RASAL2: variants seen among roughly 807,000 people sequenced by gnomAD.
RASAL2 encodes RAS protein activator like 2.
A neutral mutation model predicts 128.9 loss-of-function variants in RASAL2; 58 were observed. The ratio of observed to expected loss-of-function variants is 0.45; its 90% confidence interval spans 0.36 to 0.56. The LOEUF (loss-of-function observed/expected upper bound fraction) is 0.56, where lower values mean the gene tolerates loss of function less well. Ranked by LOEUF, RASAL2 falls within the 20% of genes least tolerant of loss-of-function variation. The pLI, the probability that RASAL2 is intolerant of heterozygous loss-of-function variation, is 0.00. For missense variants in RASAL2, 1,360 were observed against 1,601.6 expected, an observed-to-expected ratio of 0.85 and a Z score of 2.57; for synonymous variants, 561 against 580.8, an observed-to-expected ratio of 0.97 and a Z score of 0.49.
At chr1:178,249,445 CT>C (rs2102078505) in intron 1 of RASAL2, among the ~76,000 whole-genome samples, 1 of 151,964 alleles carries the variant, frequency 6.6e-6, no homozygotes, top group African/African-American at 2.4e-5. Flanking sequence ...TTCCTGTAAC[CT>C]TTTGTCAAGG....
chr1:178,282,259 A>T (rs1666820427), intron 1 of RASAL2, among the ~76,000 whole-genome samples: 2 of 152,182 alleles, frequency 1.3e-5, no homozygotes, highest in African/African-American at 4.8e-5. Context: ...ACCCCCAAAC[A>T]TGCAGCGCAG....
At chr1:178,167,927 G>A (rs1373859940) in intron 1 of RASAL2, among the ~76,000 whole-genome samples, 1 of 151,988 alleles carries the variant, frequency 6.6e-6, no homozygotes, top group Non-Finnish European at 1.5e-5. Flanking sequence ...GCTTTTAAGG[G>A]GGAGTGCAAG....
intron 1 of RASAL2, among the ~76,000 whole-genome samples, chr1:178,260,563 A>G (rs910066415): frequency 6.6e-6 from 1 of 150,494 alleles, no homozygotes. Context: ...TCGTTCATAC[A>G]AAGTTTTTAA....
At chr1:178,234,970 A>C (rs1397505350) in intron 1 of RASAL2, among the ~76,000 whole-genome samples, 1 of 152,170 alleles carries the variant, frequency 6.6e-6, no homozygotes, top group Non-Finnish European at 1.5e-5. Flanking sequence ...TGTCCTCCCT[A>C]GATGTTCCTT....
intron 3 of RASAL2, among the ~76,000 whole-genome samples, chr1:178,306,202 C>G (rs1383653927): frequency 6.6e-6 from 1 of 152,126 alleles, no homozygotes; most frequent in Admixed American, 6.5e-5. Context: ...CCAATTTCAT[C>G]CATGTCCCTA....
At chr1:178,466,426 A>T (rs1197111414) in intron 16 of RASAL2, among the ~76,000 whole-genome samples, 1 of 152,240 alleles carries the variant, frequency 6.6e-6, no homozygotes, top group African/African-American at 2.4e-5. Flanking sequence ...CCAAGACTAA[A>T]TTAATCTTTC....
intron 3 of RASAL2, among the ~76,000 whole-genome samples, chr1:178,357,177 G>A (rs950626908): frequency 1.3e-5 from 2 of 152,122 alleles, no homozygotes; most frequent in African/African-American, 2.4e-5. Context: ...TTTGCTATTT[G>A]AAGCTTTTAA....
chr1:178,262,175 A>G lies in RASAL2; in HGVS notation c.203-21389A>G, dbSNP rs899307541. On this transcript the variant is annotated intron_variant, in intron 1 of 17. Coordinates refer to ENST00000367649, the MANE Select transcript of RASAL2 (RefSeq NM_170692.4). ...AATCAGTATCCTTTCTCTGCTGAAA[A>G]CAGTGACTAAAAAGAGAAAGTGGGC... Among the ~76,000 whole-genome samples, 5 of 150,960 alleles carry G rather than the reference A, an allele frequency of 3.3e-5. No homozygotes were observed. In the South Asian group the frequency reaches 1.0e-3, roughly 32 times the overall value.
At chr1:178,375,227 T>G (rs1671923065) in intron 3 of RASAL2, among the ~76,000 whole-genome samples, 1 of 152,090 alleles carries the variant, frequency 6.6e-6, no homozygotes, top group Non-Finnish European at 1.5e-5. Context: ...TTAAATAATT[T>G]CACATCCGGT....
At chr1:178,272,761 C>T (rs1005889067) in intron 1 of RASAL2, among the ~76,000 whole-genome samples, 1 of 152,110 alleles carries the variant, frequency 6.6e-6, no homozygotes, top group Non-Finnish European at 1.5e-5. Context: ...AACCCTGTCT[C>T]TACTAAAAAT....
At chr1:178,150,319 C>T (rs551349062) in intron 1 of RASAL2, among the ~76,000 whole-genome samples, 7 of 151,944 alleles carry the variant, frequency 4.6e-5, no homozygotes, top group African/African-American at 1.7e-4. Context: ...CTTAGCCTCC[C>T]AAGTAGCTGA....
chr1:178,235,313 G>A (rs144219935), intron 1 of RASAL2, among the ~76,000 whole-genome samples: 136 of 152,282 alleles, frequency 8.9e-4, no homozygotes, highest in African/African-American at 2.7e-3. Context: ...TTTGGACTTT[G>A]ATAGTGCACT....
At chr1:178,291,974 T>TGCA (rs1667299137) in intron 2 of RASAL2, among the ~76,000 whole-genome samples, 1 of 143,008 alleles carries the variant, frequency 7.0e-6, no homozygotes, top group Admixed American at 7.3e-5. Flanking sequence ...AGGTGGAGGT[T>TGCA]GCAGTAAGTT....
intron 1 of RASAL2, among the ~76,000 whole-genome samples, chr1:178,164,064 C>T (rs1661429223): frequency 6.6e-6 from 1 of 152,092 alleles, no homozygotes; most frequent in African/African-American, 2.4e-5. Context: ...AAAATGTAAA[C>T]ATTTGGGGAA....
intron 1 of RASAL2, among the ~76,000 whole-genome samples, chr1:178,240,024 G>A (rs1264713043): frequency 2.0e-5 from 3 of 151,830 alleles, no homozygotes. Context: ...TAAAATATTT[G>A]CCTTTACACA....
chr1:178,226,616 G>A (rs900916563), intron 1 of RASAL2, among the ~76,000 whole-genome samples: 1 of 152,148 alleles, frequency 6.6e-6, no homozygotes, highest in African/African-American at 2.4e-5. Context: ...TGACTTATAT[G>A]CCATTTGTCT....
At chr1:178,418,885 C>T (rs1674950526) in intron 4 of RASAL2, among the ~76,000 whole-genome samples, 1 of 152,160 alleles carries the variant, frequency 6.6e-6, no homozygotes, top group Non-Finnish European at 1.5e-5. Context: ...TATCCTGCTG[C>T]AAAAACTGTA....
intron 1 of RASAL2, among the ~76,000 whole-genome samples, chr1:178,180,019 A>G (rs909090355): frequency 6.6e-6 from 1 of 152,182 alleles, no homozygotes; most frequent in Admixed American, 6.5e-5. Flanking sequence ...TCTGGAATGA[A>G]AGATCGTTCA....
At chr1:178,449,216 C>G (rs887526756) in intron 9 of RASAL2, among the ~76,000 whole-genome samples, 1 of 152,142 alleles carries the variant, frequency 6.6e-6, no homozygotes, top group Admixed American at 6.5e-5. Flanking sequence ...GTCACTCTTT[C>G]TGCACAGACT....
Sources: gnomAD v4.1 joint callset for allele counts (sites outside exome capture counted in the v4.1 genomes callset) on GRCh38, gnomAD v4.1.1 for gene constraint, MANE v1.5 for transcripts, NCBI Gene and HGNC (gene_info 2026-07-23, HGNC 2026-07-21) for gene names.